The following CLSTN1 variants were observed in gnomAD, a reference collection of about 807,000 sequenced individuals.
CLSTN1 encodes calsyntenin-1.
In CLSTN1, 28 loss-of-function variants were observed where a neutral mutation model predicts 108.3. The observed-to-expected ratio is 0.26, with a 90% CI of 0.19 to 0.35. The LOEUF is 0.35. Ranked by LOEUF, CLSTN1 falls within the 10% of genes least tolerant of loss-of-function variation. The pLI is 1.00. For missense variants in CLSTN1, 1,157 were observed against 1,302.6 expected (o/e 0.89, Z 1.72); for synonymous variants, 524 against 534.9 (o/e 0.98, Z 0.28).
At chr1:9,807,367 C>CT (rs756043028) in intron 1 of CLSTN1, among the ~76,000 whole-genome samples, 50 of 152,040 alleles carry the variant, frequency 3.3e-4, no homozygotes, top group Admixed American at 1.2e-3. Context: ...TATTTACAAA[C>CT]GACAACTTCT....
rs1480817241 is a variant in CLSTN1, at chr1:9,749,566, C to T, written c.880G>A (p.Glu294Lys). 13 of 1,614,188 alleles carry T rather than the reference C, an allele frequency of 8.1e-6. No individual in the cohort carries two copies. The highest frequency in any genetic ancestry group is 2.2e-5 in the South Asian group (2 of 91,084). ...FPNIHLETCD[E>K]PVASVQATVE... The stretch of plus-strand genomic sequence containing the variant: ...GTGGCCTGTACTGAGGCGACTGGCT[C>T]GTCACATGTCTCCAGGTGGATATTT... The change falls in exon 7 of 19, where the codon GAG becomes AAG. Residue 294 changes from glutamate to lysine, a missense_variant. Glu to Lys is a moderately conservative substitution (Grantham distance 56). Coordinates refer to ENST00000377298, the MANE Select transcript of CLSTN1 (RefSeq NM_001009566.3).
chr1:9,767,562 C>T (rs551216215), intron 2 of CLSTN1, among the ~76,000 whole-genome samples: 8 of 150,608 alleles, frequency 5.3e-5, no homozygotes, highest in Non-Finnish European at 1.2e-4. Context: ...AAAAAAAAAC[C>T]TGCTGAAAAG....
intron 2 of CLSTN1, among the ~76,000 whole-genome samples, chr1:9,762,046 C>G (rs996131618): frequency 6.6e-6 from 1 of 152,172 alleles, no homozygotes; most frequent in African/African-American, 2.4e-5. Context: ...GCATCGCTGT[C>G]GCTCCACTCA....
rs78227719 is a variant in CLSTN1 at position 9,767,779 on chromosome 1, T to C, written c.214+5493A>G. Among the ~76,000 whole-genome samples, 638 of 152,210 alleles carry C rather than the reference T, an allele frequency of 4.2e-3. 12 individuals carry two copies. The East Asian group carries it at 0.043, about 10-fold the overall frequency. ...CTTATCCAAAAAATACTTAAGAAAG[T>C]CTGTAAGAAAATGCAACACTATAAC... On this transcript the variant is annotated intron_variant, in intron 2 of 18. Coordinates refer to ENST00000377298, the MANE Select transcript of CLSTN1 (RefSeq NM_001009566.3).
intron 2 of CLSTN1, among the ~76,000 whole-genome samples, chr1:9,771,688 C>T (rs1394305568): frequency 2.0e-5 from 3 of 152,100 alleles, no homozygotes; most frequent in African/African-American, 4.8e-5. Context: ...TGTGTGTTCA[C>T]GGCATGGGGT....
chr1:9,810,477 AAAAT>A (rs1570521946), intron 1 of CLSTN1, among the ~76,000 whole-genome samples: 4 of 151,766 alleles, frequency 2.6e-5, no homozygotes, highest in South Asian at 4.2e-4. Context: ...CTCTGTCTCA[AAAAT>A]AAATAAATAA....
chr1:9,766,427 G>C (rs1336264779), intron 2 of CLSTN1, among the ~76,000 whole-genome samples: 2 of 152,212 alleles, frequency 1.3e-5, no homozygotes, highest in Admixed American at 6.5e-5. Flanking sequence ...AGGAGGCCAA[G>C]GCGGAGGATC....
intron 12 of CLSTN1, 80 bp from the exon 13 acceptor site, chr1:9,735,695 G>C (rs1051447800): frequency 6.3e-7 from 1 of 1,578,208 alleles, no homozygotes; most frequent in African/African-American, 1.4e-5. Context: ...CTCCACAAAG[G>C]GGACTGGCCT....
At chr1:9,807,678 G>A (rs1057266062) in intron 1 of CLSTN1, among the ~76,000 whole-genome samples, 4 of 152,124 alleles carry the variant, frequency 2.6e-5, no homozygotes, top group Non-Finnish European at 5.9e-5. Context: ...CTGCAGAGGC[G>A]GCTGCTTGCA....
intron 1 of CLSTN1, among the ~76,000 whole-genome samples, chr1:9,804,223 C>T (rs917715807): frequency 6.6e-6 from 1 of 151,614 alleles, no homozygotes; most frequent in Non-Finnish European, 1.5e-5. Context: ...ATTAGCCGGG[C>T]GTGGTGGCGG....
intron 1 of CLSTN1, among the ~76,000 whole-genome samples, chr1:9,795,601 T>C (rs751975007): frequency 2.0e-5 from 3 of 151,296 alleles, no homozygotes; most frequent in Non-Finnish European, 4.4e-5. Flanking sequence ...CAGTACAAGA[T>C]TGGGGAAGAC....
chr1:9,731,050 C>T (rs1650355255), intron 18 of CLSTN1, 156 bp downstream of exon 18: 1 of 839,978 alleles, frequency 1.2e-6, no homozygotes, highest in Admixed American at 2.1e-5. Context: ...TCTCTCTCAG[C>T]CTCGGTTTAC....
intron 1 of CLSTN1, among the ~76,000 whole-genome samples, chr1:9,806,226 G>C (rs186910699): frequency 1.9e-3 from 294 of 151,962 alleles, no homozygotes; most frequent in African/African-American, 5.9e-3. Context: ...GGGCAGGGGG[G>C]GTGGAGGGGG....
intron 7 of CLSTN1, among the ~76,000 whole-genome samples, chr1:9,747,790 A>C (rs1380867813): frequency 6.6e-6 from 1 of 152,102 alleles, no homozygotes; most frequent in Non-Finnish European, 1.5e-5. Flanking sequence ...TCATGCCTGC[A>C]ATCAGCACTT....
chr1:9,796,544 C>T (rs1268483551), intron 1 of CLSTN1, among the ~76,000 whole-genome samples: 1 of 150,566 alleles, frequency 6.6e-6, no homozygotes, highest in Non-Finnish European at 1.5e-5. Flanking sequence ...ATTAGCCGGA[C>T]GTGGTGGCAG....
At chr1:9,743,150 T>A (rs1169714210) in intron 9 of CLSTN1, among the ~76,000 whole-genome samples, 1 of 152,162 alleles carries the variant, frequency 6.6e-6, no homozygotes, top group Non-Finnish European at 1.5e-5. Context: ...CAACTCTACA[T>A]CAAAAGAAAA....
intron 1 of CLSTN1, among the ~76,000 whole-genome samples, chr1:9,795,295 A>C (rs1036501509): frequency 6.7e-6 from 1 of 150,290 alleles, no homozygotes; most frequent in Admixed American, 6.8e-5. Flanking sequence ...CCTCCTGAGT[A>C]GCTGGGATTA....
rs1360733280 is a variant in CLSTN1, at chr1:9,820,181, C to T, written c.91+3462G>A. Among the ~76,000 whole-genome samples, 4 of 152,064 alleles carry T rather than the reference C, an allele frequency of 2.6e-5. No homozygotes were observed. In the East Asian group the frequency reaches 7.7e-4, roughly 29 times the overall value. ...GAGCCACCGAGGCTGGCCCCATGATCCTTGAAAATTTACCCACTAATGAAT... is the reference window on the plus strand; with the variant it reads ...GAGCCACCGAGGCTGGCCCCATGATTCTTGAAAATTTACCCACTAATGAAT... On this transcript the variant is annotated intron_variant, in intron 1 of 18. Transcript: ENST00000377298.
chr1:9,733,373 C>T, intron 16 of CLSTN1, 28 bp downstream of exon 16: 1 of 1,613,652 alleles, frequency 6.2e-7, no homozygotes, highest in Non-Finnish European at 8.5e-7. Context: ...CTGCTATTGG[C>T]CCTGCTCAGT....
Sources: gnomAD v4.1 joint callset for allele counts (sites outside exome capture counted in the v4.1 genomes callset) on GRCh38, gnomAD v4.1.1 for gene constraint, MANE v1.5 for transcripts, NCBI Gene and HGNC (gene_info 2026-07-23, HGNC 2026-07-21) for gene names.